Variants in TMEM165 observed in about 807,000 individuals in gnomAD.
The protein encoded by TMEM165 is putative divalent cation/proton antiporter TMEM165.
In TMEM165, 19 loss-of-function variants were observed where a neutral mutation model predicts 30.0. That is an observed-to-expected ratio of 0.63 (90% CI 0.44 to 0.93). TMEM165 has a LOEUF of 0.93. Among genes scored for constraint, TMEM165 ranks in the 40% least tolerant of loss-of-function variants. The pLI is 0.00. For synonymous variants in TMEM165, 168 were observed against 162.9 expected, an observed-to-expected ratio of 1.03 and a Z score of -0.24; for missense variants, 340 against 417.0, an observed-to-expected ratio of 0.82 and a Z score of 1.61.
intron 3 of TMEM165, chr4:55,438,215 C>T (rs1723046839): frequency 1.9e-6 from 3 of 1,560,040 alleles, no homozygotes; most frequent in Non-Finnish European, 2.6e-6. Flanking sequence ...AATCTGTTCA[C>T]TTAATGCTTA....
intron 3 of TMEM165, 76 bp from the exon 4 acceptor site, chr4:55,417,727 A>C: frequency 1.6e-6 from 2 of 1,221,608 alleles, no homozygotes; most frequent in Non-Finnish European, 2.3e-6. Flanking sequence ...TTAAACACTT[A>C]GAAAAGTCAA....
At chr4:55,420,955 T>C (rs1454179859) in intron 4 of TMEM165, among the ~76,000 whole-genome samples, 2 of 152,054 alleles carry the variant, frequency 1.3e-5, no homozygotes, top group Admixed American at 6.6e-5. Flanking sequence ...CCCAGCACTT[T>C]GGGAGGCTGA....
intron 3 of TMEM165, chr4:55,443,908 A>C: frequency 1.2e-6 from 2 of 1,608,528 alleles, no homozygotes; most frequent in Non-Finnish European, 1.7e-6. Flanking sequence ...TTTAAAAATA[A>C]AGATTATGTT....
chr4:55,446,082 C>A (rs538996951), intron 3 of TMEM165, among the ~76,000 whole-genome samples: 8 of 147,368 alleles, frequency 5.4e-5, no homozygotes, highest in African/African-American at 2.0e-4. Context: ...CTACCACTTA[C>A]TGGAAAAAAA....
intron 2 of TMEM165, 66 bp from the exon 3 acceptor site, chr4:55,417,006 A>T: frequency 7.3e-7 from 1 of 1,369,006 alleles, no homozygotes; most frequent in Non-Finnish European, 9.9e-7. Flanking sequence ...ATTATTTCCG[A>T]AGTTAACTGT....
chr4:55,447,203 C>T (rs28450557), intron 3 of TMEM165, among the ~76,000 whole-genome samples: 5,117 of 151,956 alleles, frequency 0.034, 101 homozygotes, highest in Non-Finnish European at 0.054. Context: ...CCTGTCTCTA[C>T]TAAAAATATA....
intron 1 of TMEM165, among the ~76,000 whole-genome samples, chr4:55,400,393 ATAT>A (rs1720947487): frequency 4.8e-5 from 6 of 123,722 alleles, no homozygotes; most frequent in East Asian, 2.2e-4. Flanking sequence ...ATAATAAATA[ATAT>A]TAATATAATT....
At chr4:55,453,300 T>C (rs1577707734) in exon 4 of TMEM165, 1 of 604,234 alleles carries the variant, frequency 1.7e-6, no homozygotes, top group East Asian at 2.9e-5. Context: ...CTTGCATTTT[T>C]CTAGGTATCT....
downstream of TMEM165, among the ~76,000 whole-genome samples, chr4:55,427,104 G>T (rs1474179940): frequency 6.7e-6 from 1 of 149,828 alleles, no homozygotes; most frequent in Admixed American, 6.7e-5. Context: ...TGTGATCTTG[G>T]CTCACTGCAA....
intron 3 of TMEM165, chr4:55,432,822 C>T (rs1010119290): frequency 6.6e-6 from 1 of 152,208 alleles, no homozygotes; most frequent in Admixed American, 6.5e-5. Flanking sequence ...CAGTAAGAAT[C>T]ATAAAGGAAA....
intron 3 of TMEM165, among the ~76,000 whole-genome samples, chr4:55,443,518 T>C (rs182112696): frequency 3.3e-5 from 5 of 151,898 alleles, no homozygotes; most frequent in Admixed American, 3.3e-4. Context: ...TATTTGATAC[T>C]AACATGATTT....
chr4:55,410,117 C>A (rs1381955190), intron 1 of TMEM165, among the ~76,000 whole-genome samples: 1 of 152,088 alleles, frequency 6.6e-6, no homozygotes, highest in East Asian at 1.9e-4. Flanking sequence ...TCTCTTTCTT[C>A]TTATTTCTTG....
chr4:55,425,468 T>TAATA lies in TMEM165; in HGVS notation c.*16_*17insAATA. On this transcript the variant is annotated 3_prime_UTR_variant, in exon 6 of 6. Transcript: ENST00000381334. ...TGGTTTTTAACAAGCTGTTTGTTCA[T>TAATA]CTATATTTAGTTTAAAATAGGTAGT... The TAATA allele has an allele frequency of 6.3e-7, 1 of 1,592,170 alleles. No individual in the cohort carries two copies. Among genetic ancestry groups the TAATA allele is most frequent in the African/African-American group, 1.3e-5 (1 of 74,476 alleles).
chr4:55,399,781 GC>G (rs1376802721), intron 1 of TMEM165, among the ~76,000 whole-genome samples: 4 of 151,964 alleles, frequency 2.6e-5, no homozygotes, highest in African/African-American at 9.7e-5. Context: ...ACTCATTGCA[GC>G]CTCCAGCTCC....
chr4:55,396,290 GC>G lies in TMEM165; in HGVS notation c.104del (p.Pro35GlnfsTer82). The G allele has an allele frequency of 6.5e-7, 1 of 1,530,024 alleles. No individual in the cohort carries two copies. The allele number at this position is 1,530,024 out of a possible 1,614,324, so 94.8% of individuals were successfully genotyped here. A position where few individuals can be genotyped will look rare whatever the true frequency, so the allele number is the denominator to read the frequency against. On this transcript the variant is annotated frameshift_variant, in exon 1 of 6. Coordinates refer to ENST00000381334, the MANE Select transcript of TMEM165 (RefSeq NM_018475.5). LOFTEE classifies it high-confidence loss of function. ...TGGGCCCCGGCTGCGGTCCGGGCCG[GC>G]CCAGATGAAGACCTTAGCCACCGGA... is the stretch of plus-strand genomic sequence containing the variant. The part of the protein sequence containing the change: ...LLWAPAAVRA[G>X]PDEDLSHRNK...
intron 3 of TMEM165, among the ~76,000 whole-genome samples, chr4:55,436,410 C>G (rs1030816930): frequency 9.9e-5 from 15 of 152,270 alleles, no homozygotes; most frequent in African/African-American, 3.6e-4. Flanking sequence ...CTGTTCCTTT[C>G]ACCAAATTTG....
chr4:55,443,020 T>A (rs1723500059), intron 3 of TMEM165, among the ~76,000 whole-genome samples: 1 of 152,148 alleles, frequency 6.6e-6, no homozygotes, highest in South Asian at 2.1e-4. Flanking sequence ...GAATATTCAA[T>A]AAACCATTAT....
intron 1 of TMEM165, among the ~76,000 whole-genome samples, chr4:55,401,836 G>T (rs1351850839): frequency 6.7e-6 from 1 of 150,018 alleles, no homozygotes; most frequent in Non-Finnish European, 1.5e-5. Flanking sequence ...ATCAATGAAG[G>T]CCGGGCGCAG....
chr4:55,453,133 C>A (rs1485686183), exon 4 of TMEM165: 1 of 1,611,408 alleles, frequency 6.2e-7, no homozygotes, highest in Non-Finnish European at 8.5e-7. Flanking sequence ...TGCATAACTA[C>A]AAATGGAAAA....
Sources: gnomAD v4.1 joint callset for allele counts (sites outside exome capture counted in the v4.1 genomes callset) on GRCh38, gnomAD v4.1.1 for gene constraint, MANE v1.5 for transcripts, NCBI Gene and HGNC (gene_info 2026-07-23, HGNC 2026-07-21) for gene names.